Variants in KCND2 observed in about 807,000 individuals in gnomAD.
KCND2 encodes the protein A-type voltage-gated potassium channel KCND2.
In KCND2, 16 loss-of-function variants were observed where a neutral mutation model predicts 54.4. That is an observed-to-expected ratio of 0.29 (90% CI 0.20 to 0.45). The LOEUF (loss-of-function observed/expected upper bound fraction) is 0.45, where lower values mean the gene tolerates loss of function less well. Ranked by LOEUF, KCND2 falls within the 20% of genes least tolerant of loss-of-function variation. KCND2 has a pLI of 1.00. For synonymous variants in KCND2, 317 were observed against 310.7 expected (o/e 1.02, Z -0.21); for missense variants, 486 against 824.2 (o/e 0.59, Z 5.02).
chr7:120,444,145 C>T (rs139352285), intron 1 of KCND2, among the ~76,000 whole-genome samples: 4 of 152,144 alleles, frequency 2.6e-5, no homozygotes, highest in Admixed American at 1.3e-4. Context: ...ATTCACTGAG[C>T]GCTTACCACA....
At chr7:120,541,504 A>T (rs1791979003) in intron 1 of KCND2, among the ~76,000 whole-genome samples, 1 of 152,128 alleles carries the variant, frequency 6.6e-6, no homozygotes, top group Admixed American at 6.6e-5. Context: ...GGACCTTGTG[A>T]AAGAAAGACC....
intron 1 of KCND2, among the ~76,000 whole-genome samples, chr7:120,659,398 T>C (rs1209855664): frequency 6.6e-6 from 1 of 152,112 alleles, no homozygotes; most frequent in Non-Finnish European, 1.5e-5. Context: ...AACCATGCAG[T>C]CTCCTTGACT....
At chr7:120,482,097 T>C (rs7788666) in intron 1 of KCND2, among the ~76,000 whole-genome samples, 42,470 of 152,072 alleles carry the variant, frequency 0.28, 8,686 homozygotes, top group African/African-American at 0.56. Flanking sequence ...CATCTCCAGC[T>C]CCACTGTATC....
At chr7:120,678,561 A>G (rs563281433) in intron 1 of KCND2, among the ~76,000 whole-genome samples, 1 of 147,800 alleles carries the variant, frequency 6.8e-6, no homozygotes, top group African/African-American at 2.4e-5. Flanking sequence ...ATGTATGTAA[A>G]TGTAAATATA....
chr7:120,369,261 G>A (rs1800731355), intron 1 of KCND2, among the ~76,000 whole-genome samples: 1 of 151,880 alleles, frequency 6.6e-6, no homozygotes, highest in Admixed American at 6.6e-5. Flanking sequence ...TCTGCAAACC[G>A]TGTGGTTAAT....
chr7:120,405,019 G>A (rs1466690229), intron 1 of KCND2, among the ~76,000 whole-genome samples: 1 of 152,112 alleles, frequency 6.6e-6, no homozygotes. Flanking sequence ...ACAAAGTCTG[G>A]ATGCTGTTGT....
chr7:120,354,951 C>T (rs1279933185), intron 1 of KCND2, among the ~76,000 whole-genome samples: 1 of 152,028 alleles, frequency 6.6e-6, no homozygotes, highest in African/African-American at 2.4e-5. Context: ...CATTAAAACA[C>T]TTTTAGGGGA....
intron 1 of KCND2, among the ~76,000 whole-genome samples, chr7:120,450,766 T>C (rs1419021690): frequency 2.0e-5 from 3 of 152,148 alleles, no homozygotes; most frequent in Non-Finnish European, 4.4e-5. Context: ...ATTTCCTTTG[T>C]CTCATATTTC....
chr7:120,325,858 G>A (rs112538051), intron 1 of KCND2, among the ~76,000 whole-genome samples: 90 of 152,176 alleles, frequency 5.9e-4, no homozygotes, highest in African/African-American at 2.0e-3. Context: ...TCAAACTTGG[G>A]TCCTAAAGGA....
intron 1 of KCND2, among the ~76,000 whole-genome samples, chr7:120,600,107 T>TAAGA (rs938931736): frequency 6.6e-6 from 1 of 151,908 alleles, no homozygotes; most frequent in Non-Finnish European, 1.5e-5. Context: ...AAGAACTTAG[T>TAAGA]AAGAGTCCAT....
chr7:120,451,117 G>A (rs1022557996), intron 1 of KCND2, among the ~76,000 whole-genome samples: 2 of 152,066 alleles, frequency 1.3e-5, no homozygotes, highest in African/African-American at 2.4e-5. Context: ...GGTATTTGAA[G>A]TAGGATCCCT....
intron 1 of KCND2, among the ~76,000 whole-genome samples, chr7:120,552,715 G>T (rs532122095): frequency 1.3e-5 from 2 of 151,944 alleles, no homozygotes; most frequent in East Asian, 1.9e-4. Context: ...TCACACGAGG[G>T]TCACTCCAGG....
chr7:120,589,986 A>T (rs1792649347), intron 1 of KCND2, among the ~76,000 whole-genome samples: 1 of 152,074 alleles, frequency 6.6e-6, no homozygotes, highest in East Asian at 1.9e-4. Flanking sequence ...AATTTTCACA[A>T]AGGCTCGTTA....
intron 1 of KCND2, among the ~76,000 whole-genome samples, chr7:120,584,559 A>G (rs1447964706): frequency 3.3e-5 from 5 of 152,258 alleles, no homozygotes; most frequent in Non-Finnish European, 7.3e-5. Context: ...GGGGAGCATT[A>G]TAAAGGGGCT....
At chr7:120,503,684 G>C (rs1426921854) in intron 1 of KCND2, among the ~76,000 whole-genome samples, 2 of 151,908 alleles carry the variant, frequency 1.3e-5, no homozygotes, top group South Asian at 4.2e-4. Flanking sequence ...TCTATATTTA[G>C]TTCCGTCTCG....
At chr7:120,428,762 CTGAACAAA>C (rs1801749845) in intron 1 of KCND2, among the ~76,000 whole-genome samples, 1 of 152,102 alleles carries the variant, frequency 6.6e-6, no homozygotes, top group South Asian at 2.1e-4. Context: ...GAGATATTTT[CTGAACAAA>C]TGAGCAGCAA....
chr7:120,700,166 A>C (rs1348447970), intron 1 of KCND2, among the ~76,000 whole-genome samples: 1 of 152,218 alleles, frequency 6.6e-6, no homozygotes, highest in Non-Finnish European at 1.5e-5. Context: ...TACAAAGTTT[A>C]TCTCTAAAGA....
At chr7:120,622,550 A>G (rs1013350671) in intron 1 of KCND2, among the ~76,000 whole-genome samples, 7 of 152,188 alleles carry the variant, frequency 4.6e-5, no homozygotes, top group Middle Eastern at 3.4e-3. Flanking sequence ...ATAAATATAT[A>G]AAATATACCG....
intron 1 of KCND2, among the ~76,000 whole-genome samples, chr7:120,410,387 T>A (rs959879883): frequency 6.6e-6 from 1 of 151,974 alleles, no homozygotes; most frequent in Non-Finnish European, 1.5e-5. Flanking sequence ...TTTGGGTCCA[T>A]GTAAATTTTA....
Sources: allele counts gnomAD v4.1 joint callset (sites outside exome capture counted in the v4.1 genomes callset), GRCh38; gene constraint gnomAD v4.1.1; transcripts MANE v1.5; gene names NCBI Gene and HGNC (gene_info 2026-07-23, HGNC 2026-07-21).